Variants in DZANK1 observed in about 807,000 individuals in gnomAD.
DZANK1 encodes double zinc ribbon and ankyrin repeat-containing protein 1.
Under a neutral mutation model 94.5 loss-of-function variants are expected in DZANK1, and 91 were observed. The ratio of observed to expected loss-of-function variants is 0.96; its 90% confidence interval spans 0.81 to 1.15. The LOEUF is 1.15. Among genes scored for constraint, DZANK1 ranks in the 50% most tolerant of loss-of-function variants. DZANK1 has a pLI of 0.00. For missense variants in DZANK1, 903 were observed against 916.4 expected, an observed-to-expected ratio of 0.99 and a Z score of 0.19; for synonymous variants, 312 against 325.3, an observed-to-expected ratio of 0.96 and a Z score of 0.44.
exon 2 of DZANK1, chr20:18,465,367 T>C: frequency 2.1e-6 from 3 of 1,419,150 alleles, no homozygotes; most frequent in South Asian, 1.3e-5. Context: ...ATTTTCTCTC[T>C]CTCTCTCTCT....
At chr20:18,432,128 T>C (rs2058310201) in intron 9 of DZANK1, among the ~76,000 whole-genome samples, 2 of 152,312 alleles carry the variant, frequency 1.3e-5, no homozygotes, top group African/African-American at 4.8e-5. Flanking sequence ...TGTGTCTCTC[T>C]GCCTTCCCAT....
At chr20:18,414,279 G>T in intron 12 of DZANK1, 69 bp downstream of exon 12, 1 of 1,567,574 alleles carries the variant, frequency 6.4e-7, no homozygotes, top group Non-Finnish European at 8.7e-7. Context: ...GATTCACAGG[G>T]TGGAGCACAC....
intron 13 of DZANK1, among the ~76,000 whole-genome samples, chr20:18,411,654 A>G (rs1438216577): frequency 6.6e-6 from 1 of 152,246 alleles, no homozygotes; most frequent in Non-Finnish European, 1.5e-5. Flanking sequence ...AGAAGGAAAG[A>G]AGAAAACTGC....
exon 21 of DZANK1, chr20:18,384,283 T>G (rs1430925841): frequency 8.9e-7 from 1 of 1,125,040 alleles, no homozygotes; most frequent in East Asian, 2.7e-5. Flanking sequence ...GGTCTTGAAC[T>G]CCCAACCTCA....
In DZANK1 at chr20:18,392,569, C is replaced by A. The variant is rs73902453; in HGVS notation, c.1809+1142G>T. On this transcript the variant is annotated intron_variant, in intron 17 of 20. Transcript: ENST00000262547. ...CTAATCACATCTGTTCTTTGTATTG[C>A]AGCCAAGGAGGACCAATTAAAAGGC... Among the ~76,000 whole-genome samples, 1,114 of 152,340 alleles carry A rather than the reference C, an allele frequency of 7.3e-3. 15 individuals are homozygous for A. The highest frequency in any genetic ancestry group is 0.026 in the African/African-American group (1,077 of 41,566).
At chr20:18,387,567 C>CA (rs1376403749) in intron 19 of DZANK1, among the ~76,000 whole-genome samples, 1 of 152,144 alleles carries the variant, frequency 6.6e-6, no homozygotes, top group Non-Finnish European at 1.5e-5. Flanking sequence ...TTGGAATCGC[C>CA]AATGCAGTGA....
rs1002367097 is a variant in DZANK1 at position 18,398,620 on chromosome 20, C to T, written c.1439G>A (p.Trp480Ter). 2 of 1,613,932 alleles carry T rather than the reference C, an allele frequency of 1.2e-6. No individual in the cohort carries two copies. Among genetic ancestry groups the T allele is most frequent in the African/African-American group, 2.7e-5 (2 of 75,046 alleles). Reference sequence around the variant, plus strand: ...AGAGATGTGATCCAGCTGTCTTCTCCAGTACCCTAAGAAAGAAGAGAAACC... The same window carrying T: ...AGAGATGTGATCCAGCTGTCTTCTCTAGTACCCTAAGAAAGAAGAGAAACC... Residue 480 changes from tryptophan (W) to a stop codon, truncating the protein, a stop_gained, in exon 14 of 21, where the codon TGG (tryptophan) becomes TAG (stop). Coordinates refer to ENST00000262547, the Ensembl canonical transcript of DZANK1. LOFTEE classifies it high-confidence loss of function.
intron 5 of DZANK1, among the ~76,000 whole-genome samples, chr20:18,453,122 T>A (rs1471211646): frequency 1.3e-5 from 2 of 152,212 alleles, no homozygotes; most frequent in Non-Finnish European, 2.9e-5. Context: ...GAAACCCTGT[T>A]CTCTTAAATC....
rs2056741468 is a variant in DZANK1, at chr20:18,402,536, G to C, written c.1433-3910C>G. 2.0e-5 allele frequency among the ~76,000 whole-genome samples: 3 copies of C among 152,056 alleles called. No homozygotes were observed. The South Asian group carries it at 6.2e-4, about 32-fold the overall frequency. ...GTACTGGCAGGCCACTGAACATGGG[G>C]ACAGCCCACCAAGAGGAATCAGGGT... is the stretch of plus-strand genomic sequence containing the variant. On this transcript the variant is annotated intron_variant, in intron 13 of 20. Coordinates refer to ENST00000262547, the Ensembl canonical transcript of DZANK1.
At chr20:18,393,069 A>G (rs1236523008) in intron 17 of DZANK1, among the ~76,000 whole-genome samples, 1 of 152,178 alleles carries the variant, frequency 6.6e-6, no homozygotes, top group East Asian at 1.9e-4. Context: ...TTTGCCCAAC[A>G]AAGGCTTCTA....
At chr20:18,452,765 C>T (rs2059149562) in intron 5 of DZANK1, 26 bp from the exon 6 acceptor site, 1 of 1,533,512 alleles carries the variant, frequency 6.5e-7, no homozygotes, top group Admixed American at 2.1e-5. Context: ...AAACATTATT[C>T]TTTGAGCATC....
At chr20:18,408,335 C>CA (rs1047796259) in intron 13 of DZANK1, among the ~76,000 whole-genome samples, 2 of 152,004 alleles carry the variant, frequency 1.3e-5, no homozygotes, top group African/African-American at 4.8e-5. Flanking sequence ...AACAAACAAA[C>CA]AAAAAAACCA....
intron 17 of DZANK1, among the ~76,000 whole-genome samples, chr20:18,391,077 G>A (rs1221080234): frequency 2.0e-5 from 3 of 152,142 alleles, no homozygotes; most frequent in Non-Finnish European, 4.4e-5. Context: ...TATAATCCCA[G>A]CTACTTGGGA....
chr20:18,458,267 G>A (rs1568553105), intron 3 of DZANK1, among the ~76,000 whole-genome samples: 1 of 152,064 alleles, frequency 6.6e-6, no homozygotes, highest in Non-Finnish European at 1.5e-5. Context: ...TGGATCTTAG[G>A]GCGGAAGATT....
At chr20:18,392,033 T>C (rs538564576) in intron 17 of DZANK1, among the ~76,000 whole-genome samples, 2 of 152,338 alleles carry the variant, frequency 1.3e-5, no homozygotes, top group African/African-American at 4.8e-5. Flanking sequence ...TTTCAACACG[T>C]AGAACAGTGC....
chr20:18,452,072 T>G (rs1265746397), intron 6 of DZANK1: 3 of 30 alleles, frequency 0.1, no homozygotes, highest in Non-Finnish European at 0.12. Flanking sequence ...TTAGGGGTGG[T>G]TTTTTTTTTT....
intron 2 of DZANK1, among the ~76,000 whole-genome samples, chr20:18,460,860 T>A (rs566200248): frequency 6.6e-6 from 1 of 152,374 alleles, no homozygotes; most frequent in East Asian, 1.9e-4. Context: ...ACCAGCATTG[T>A]GCTTTACTTG....
intron 1 of DZANK1, among the ~76,000 whole-genome samples, chr20:18,466,142 C>A (rs989820857): frequency 2.0e-5 from 3 of 152,232 alleles, no homozygotes; most frequent in Non-Finnish European, 2.9e-5. Context: ...CACCTTAACA[C>A]AACAACCATT....
At chr20:18,451,315 C>G (rs948881462) in intron 6 of DZANK1, among the ~76,000 whole-genome samples, 1 of 152,184 alleles carries the variant, frequency 6.6e-6, no homozygotes, top group Admixed American at 6.5e-5. Flanking sequence ...AATTGTCTGT[C>G]TTTATCTAAT....
Sources: allele counts gnomAD v4.1 joint callset (sites outside exome capture counted in the v4.1 genomes callset), GRCh38; gene constraint gnomAD v4.1.1; transcripts MANE v1.5; gene names NCBI Gene and HGNC (gene_info 2026-07-23, HGNC 2026-07-21).